ATP10B: variants seen among roughly 807,000 people sequenced by gnomAD.
The protein encoded by ATP10B is ATPase phospholipid transporting 10B (putative).
A neutral mutation model predicts 141.2 loss-of-function variants in ATP10B; 122 were observed. The ratio of observed to expected loss-of-function variants is 0.86; its 90% confidence interval spans 0.75 to 1.00. ATP10B has a LOEUF of 1.00. ATP10B is among the 50% of genes least tolerant of loss of function. The probability of loss-of-function intolerance (pLI) is 0.00; values close to 1 mark genes in which losing one functional copy is unlikely to be tolerated. For missense variants in ATP10B, 1,876 were observed against 1,825.3 expected, an observed-to-expected ratio of 1.03 and a Z score of -0.51; for synonymous variants, 685 against 692.0, an observed-to-expected ratio of 0.99 and a Z score of 0.16.
At chr5:160,836,672 C>A (rs1223320020) in intron 1 of ATP10B, among the ~76,000 whole-genome samples, 1 of 152,124 alleles carries the variant, frequency 6.6e-6, no homozygotes, top group Non-Finnish European at 1.5e-5. Context: ...TTTTTCTCCA[C>A]AAGTTTCCCA....
At chr5:160,647,218 G>A (rs538465051) in intron 8 of ATP10B, among the ~76,000 whole-genome samples, 89 of 152,258 alleles carry the variant, frequency 5.8e-4, no homozygotes, top group African/African-American at 2.1e-3. Context: ...CTAAATTAAC[G>A]GAACCCACAG....
chr5:160,808,346 T>C (rs564144949), intron 1 of ATP10B, among the ~76,000 whole-genome samples: 1 of 152,324 alleles, frequency 6.6e-6, no homozygotes, highest in South Asian at 2.1e-4. Flanking sequence ...GCATATTCCC[T>C]ATGAGGACAA....
the ATP10B span, among the ~76,000 whole-genome samples, chr5:160,916,397 G>GTTTTTTTTTTTTTTTT: frequency 6.6e-6 from 1 of 151,898 alleles, no homozygotes; most frequent in African/African-American, 2.4e-5. Flanking sequence ...GGCAAAAGAT[G>GTTTTTTTTTTTTTTTT]TTTTTTTTGT....
chr5:160,836,305 C>T (rs990956642), intron 1 of ATP10B, among the ~76,000 whole-genome samples: 3 of 152,226 alleles, frequency 2.0e-5, no homozygotes, highest in Non-Finnish European at 4.4e-5. Flanking sequence ...AAATTCATTA[C>T]TCATTGAAAA....
chr5:160,603,577 G>A (rs1757219340), intron 20 of ATP10B: 1 of 216,850 alleles, frequency 4.6e-6, no homozygotes, highest in Non-Finnish European at 9.6e-6. Flanking sequence ...GCATATAGGA[G>A]ATACGCAAAA....
At chr5:160,602,899 TC>T in intron 20 of ATP10B, 197 bp from the exon 21 acceptor site, 1 of 570,714 alleles carries the variant, frequency 1.8e-6, no homozygotes, top group Non-Finnish European at 3.0e-6. Flanking sequence ...CTCTCTAGAA[TC>T]CAAGGAGGGC....
At chr5:160,907,697 A>C in the ATP10B span, among the ~76,000 whole-genome samples, 2 of 152,162 alleles carry the variant, frequency 1.3e-5, no homozygotes, top group Non-Finnish European at 2.9e-5. Context: ...AACAGCAGAA[A>C]CTTAAGTCCA....
chr5:160,842,474 T>C (rs1294829906), intron 1 of ATP10B, among the ~76,000 whole-genome samples: 2 of 151,948 alleles, frequency 1.3e-5, no homozygotes, highest in African/African-American at 2.4e-5. Context: ...AGAAGGTCAA[T>C]ATAAAAAATA....
In ATP10B at chr5:160,830,597, C is replaced by T. The variant is rs137986020; in HGVS notation, c.-576+21344G>A. On this transcript the variant is annotated intron_variant, in intron 1 of 25. Transcript: ENST00000327245. ...TTATAGGCTATCCATAGAGAAAACA[C>T]TGTTGATTTCATGTAATCTATGTTC... 1.5e-3 allele frequency among the ~76,000 whole-genome samples: 230 copies of T among 152,070 alleles called. 8 individuals carry two copies. The East Asian group carries it at 0.041, about 27-fold the overall frequency.
chr5:160,569,352 C>T (rs1164528463), intron 25 of ATP10B, 144 bp downstream of exon 25: 2 of 839,856 alleles, frequency 2.4e-6, no homozygotes, highest in Non-Finnish European at 3.7e-6. Context: ...ATTCATTGTT[C>T]TTTCTGTCCC....
chr5:160,873,276 C>A, the ATP10B span, among the ~76,000 whole-genome samples: 1 of 152,068 alleles, frequency 6.6e-6, no homozygotes, highest in African/African-American at 2.4e-5. Context: ...TCCACAAAAA[C>A]CTATGGTTAA....
At chr5:160,640,291 T>G (rs1431833128) in intron 10 of ATP10B, among the ~76,000 whole-genome samples, 170 bp downstream of exon 10, 1 of 152,202 alleles carries the variant, frequency 6.6e-6, no homozygotes, top group Non-Finnish European at 1.5e-5. Context: ...AAAGAACACA[T>G]ACTACTTTTA....
chr5:160,814,325 C>G (rs1773424698), intron 1 of ATP10B, among the ~76,000 whole-genome samples: 1 of 152,132 alleles, frequency 6.6e-6, no homozygotes, highest in South Asian at 2.1e-4. Flanking sequence ...GGCAAGAGAA[C>G]TACGTGATGA....
intron 13 of ATP10B, among the ~76,000 whole-genome samples, chr5:160,623,581 G>A (rs1466269715): frequency 6.6e-6 from 1 of 151,958 alleles, no homozygotes; most frequent in Non-Finnish European, 1.5e-5. Context: ...AGGACGGGCT[G>A]GATCTGACCC....
chr5:160,728,517 G>A (rs1185635048), intron 2 of ATP10B, among the ~76,000 whole-genome samples: 1 of 152,164 alleles, frequency 6.6e-6, no homozygotes, highest in Admixed American at 6.5e-5. Flanking sequence ...CACACCCATG[G>A]CTCCATGGGA....
At chr5:160,804,483 G>A (rs148707467) in intron 1 of ATP10B, among the ~76,000 whole-genome samples, 189 of 152,290 alleles carry the variant, frequency 1.2e-3, no homozygotes, top group Non-Finnish European at 2.4e-3. Flanking sequence ...TGTGAGAATG[G>A]ATGAGTACTG....
At chr5:160,765,245 A>T (rs879651878) in intron 2 of ATP10B, among the ~76,000 whole-genome samples, 1 of 152,212 alleles carries the variant, frequency 6.6e-6, no homozygotes, top group Non-Finnish European at 1.5e-5. Context: ...TATGGAACAA[A>T]AAAAGGCCCA....
At chr5:160,878,071 C>T in the ATP10B span, among the ~76,000 whole-genome samples, 8 of 151,518 alleles carry the variant, frequency 5.3e-5, no homozygotes, top group African/African-American at 1.9e-4. Context: ...GCCCACATTG[C>T]CAAGTCAATC....
the ATP10B span, among the ~76,000 whole-genome samples, chr5:160,867,041 C>T: frequency 3.3e-5 from 5 of 152,034 alleles, no homozygotes; most frequent in Admixed American, 6.6e-5. Context: ...TGTCCTAGTT[C>T]CATCATGTAC....
Sources: gnomAD v4.1 joint callset for allele counts (sites outside exome capture counted in the v4.1 genomes callset) on GRCh38, gnomAD v4.1.1 for gene constraint, MANE v1.5 for transcripts, NCBI Gene and HGNC (gene_info 2026-07-23, HGNC 2026-07-21) for gene names.